ASPH: variants seen among roughly 807,000 people sequenced by gnomAD.
ASPH encodes the protein aspartyl/asparaginyl beta-hydroxylase.
A neutral mutation model predicts 118.4 loss-of-function variants in ASPH; 100 were observed. The observed-to-expected ratio is 0.84, with a 90% CI of 0.72 to 1.00. ASPH has a LOEUF of 1.00. Among genes scored for constraint, ASPH ranks in the 50% least tolerant of loss-of-function variants. The pLI is 0.00. For missense variants in ASPH, 920 were observed against 919.5 expected (o/e 1.00, Z -0.01); for synonymous variants, 315 against 325.6 (o/e 0.97, Z 0.35).
chr8:61,552,971 T>C, intron 20 of ASPH, 60 bp downstream of exon 20: 1 of 1,364,812 alleles, frequency 7.3e-7, no homozygotes, highest in South Asian at 1.2e-5. Context: ...TTCCTAGAAA[T>C]AATTATTCTC....
Position 61,586,108 on chromosome 8 carries a change from C to A in ASPH, c.977-2079G>T, listed in dbSNP as rs544876029. 8.5e-5 allele frequency among the ~76,000 whole-genome samples: 13 copies of A among 152,248 alleles called. No homozygotes were observed. In the East Asian group the frequency reaches 2.5e-3, roughly 29 times the overall value. ...GATGCCCTCCTCCTTCCTAGATGAT[C>A]CCTTTCCTTGACTTTTATGTTGCCC... On this transcript the variant is annotated intron_variant, in intron 14 of 24. Coordinates refer to ENST00000379454, the MANE Select transcript of ASPH (RefSeq NM_004318.4).
chr8:61,561,075 A>G lies in ASPH; in HGVS notation c.1437+1669T>C, dbSNP rs551582827. Among the ~76,000 whole-genome samples the G allele has an allele frequency of 1.3e-3, 102 of 77,916 alleles. 1 individual carries two copies. Among genetic ancestry groups the G allele is most frequent in the African/African-American group, 4.8e-3 (89 of 18,520 alleles). 51.1% of individuals were successfully genotyped at this position (77,916 alleles called of 152,430 possible). On this transcript the variant is annotated intron_variant, in intron 18 of 24. Coordinates refer to ENST00000379454, the MANE Select transcript of ASPH (RefSeq NM_004318.4). ...AGAAGGAAGGAACGAAGGAAGGGAG[A>G]GAGGGAGGGAGGGAGGGAGGGAGAG... is the stretch of plus-strand genomic sequence containing the variant.
intron 18 of ASPH, among the ~76,000 whole-genome samples, chr8:61,556,528 T>G (rs2131272838): frequency 6.6e-6 from 1 of 152,350 alleles, no homozygotes; most frequent in Non-Finnish European, 1.5e-5. Flanking sequence ...ACTTCTTGAG[T>G]GCCCAGACCA....
At chr8:61,712,043 G>A (rs1838177681) in intron 1 of ASPH, among the ~76,000 whole-genome samples, 1 of 152,102 alleles carries the variant, frequency 6.6e-6, no homozygotes, top group African/African-American at 2.4e-5. Flanking sequence ...AACAAAACCT[G>A]GGTTCTTAGT....
chr8:61,646,108 A>G (rs1588588884), intron 6 of ASPH, among the ~76,000 whole-genome samples: 1 of 152,244 alleles, frequency 6.6e-6, no homozygotes, highest in East Asian at 1.9e-4. Flanking sequence ...CTGCTTGAGC[A>G]TGGGAGGTCA....
chr8:61,596,635 C>T (rs1428742623), intron 14 of ASPH, among the ~76,000 whole-genome samples: 2 of 152,228 alleles, frequency 1.3e-5, no homozygotes, highest in Non-Finnish European at 2.9e-5. Flanking sequence ...ACCACTGATG[C>T]TGAACACAGC....
chr8:61,696,959 A>G (rs1834047092), intron 1 of ASPH, among the ~76,000 whole-genome samples: 1 of 152,252 alleles, frequency 6.6e-6, no homozygotes, highest in South Asian at 2.1e-4. Flanking sequence ...ACACTGGTTT[A>G]CAGCTGTGTC....
At chr8:61,589,357 G>C (rs1228283094) in intron 14 of ASPH, among the ~76,000 whole-genome samples, 2 of 152,034 alleles carry the variant, frequency 1.3e-5, no homozygotes, top group Non-Finnish European at 1.5e-5. Context: ...AGAAACACTT[G>C]GGAATAAAAA....
At chr8:61,578,141 T>C (rs1333304183) in intron 15 of ASPH, 33 of 1,442,864 alleles carry the variant, frequency 2.3e-5, no homozygotes, top group Non-Finnish European at 3.0e-5. Flanking sequence ...TGGGAGAAAT[T>C]GGACCAAGAA....
At chr8:61,583,633 G>C (rs1354251957) in intron 15 of ASPH, 1 of 221,752 alleles carries the variant, frequency 4.5e-6, no homozygotes, top group African/African-American at 2.3e-5. Flanking sequence ...TCATTATCAT[G>C]TCTGTAAGAA....
chr8:61,616,792 T>C (rs1849189369), intron 14 of ASPH, among the ~76,000 whole-genome samples: 1 of 152,226 alleles, frequency 6.6e-6, no homozygotes, highest in African/African-American at 2.4e-5. Flanking sequence ...TACGGCATGC[T>C]CTCCTGCTTT....
chr8:61,670,874 T>A (rs1195663254), intron 3 of ASPH, among the ~76,000 whole-genome samples: 2 of 151,680 alleles, frequency 1.3e-5, no homozygotes. Flanking sequence ...CACTAGATTA[T>A]CTTAGGAAAG....
intron 24 of ASPH, among the ~76,000 whole-genome samples, chr8:61,507,670 T>C (rs995681170): frequency 6.6e-6 from 1 of 152,170 alleles, no homozygotes; most frequent in Non-Finnish European, 1.5e-5. Flanking sequence ...ATGTTTTTTT[T>C]CCACAACAAA....
intron 22 of ASPH, among the ~76,000 whole-genome samples, chr8:61,522,458 C>T (rs1430297446): frequency 6.6e-6 from 1 of 152,076 alleles, no homozygotes; most frequent in Admixed American, 6.6e-5. Context: ...ATTTTCTCAT[C>T]CCTAGTGATA....
At chr8:61,594,608 A>C (rs1842034806) in intron 14 of ASPH, among the ~76,000 whole-genome samples, 1 of 152,240 alleles carries the variant, frequency 6.6e-6, no homozygotes, top group Non-Finnish European at 1.5e-5. Flanking sequence ...ATAGCTGAAT[A>C]CAATACAATA....
At position 61,653,618 on chromosome 8, in the gene ASPH, T is replaced by G. The variant is rs745753269; in HGVS notation, c.365A>C (p.Glu122Ala). 1.2e-6 allele frequency: 2 copies of G among 1,613,958 alleles called. No homozygotes were observed. Among genetic ancestry groups the G allele is most frequent in the South Asian group, 1.1e-5 (1 of 91,082 alleles). ...GGGCTCAGTGTGTGGCTCAGCCTCT[T>G]CTGGCGGGACTGCTGGCTCTGAAGT... ...RSTSEPAVPP[E>A]EAEPHTEPEE... Residue 122 changes from glutamate (E) to alanine (A), a missense_variant, in exon 4 of 25, where the codon GAA becomes GCA. Coordinates refer to ENST00000379454, the MANE Select transcript of ASPH (RefSeq NM_004318.4).
chr8:61,526,216 C>A (rs750181448), intron 21 of ASPH, 104 bp from the exon 22 acceptor site: 135 of 1,444,462 alleles, frequency 9.3e-5, no homozygotes, highest in Admixed American at 3.4e-4. Context: ...GGAACTAATT[C>A]TTTGCCTTAT....
chr8:61,606,363 A>G (rs1845577011), intron 14 of ASPH: 1 of 152,226 alleles, frequency 6.6e-6, no homozygotes, highest in Non-Finnish European at 1.5e-5. Context: ...CCAAATTTCA[A>G]TGAAGCATAA....
At chr8:61,594,358 A>C (rs1162908117) in intron 14 of ASPH, among the ~76,000 whole-genome samples, 1 of 152,246 alleles carries the variant, frequency 6.6e-6, no homozygotes, top group Non-Finnish European at 1.5e-5. Flanking sequence ...TTTCTATGAA[A>C]TACTGATTTC....
Sources: allele counts gnomAD v4.1 joint callset (sites outside exome capture counted in the v4.1 genomes callset), GRCh38; gene constraint gnomAD v4.1.1; transcripts MANE v1.5; gene names NCBI Gene and HGNC (gene_info 2026-07-23, HGNC 2026-07-21).